The following SP100 variants were observed in gnomAD, a reference collection of about 807,000 sequenced individuals.
SP100 encodes the protein SP100 nuclear body protein.
Under a neutral mutation model 130.0 loss-of-function variants are expected in SP100, and 84 were observed. That is an observed-to-expected ratio of 0.65 (90% CI 0.54 to 0.77). The LOEUF (loss-of-function observed/expected upper bound fraction) is 0.77. SP100 is among the 30% of genes least tolerant of loss of function. SP100 has a pLI of 0.00. For missense variants in SP100, 978 were observed against 1,052.2 expected, an observed-to-expected ratio of 0.93 and a Z score of 0.97; for synonymous variants, 331 against 351.7, an observed-to-expected ratio of 0.94 and a Z score of 0.66.
At chr2:230,441,503 A>T (rs1040877276) in intron 2 of SP100, among the ~76,000 whole-genome samples, 6 of 152,240 alleles carry the variant, frequency 3.9e-5, no homozygotes, top group Non-Finnish European at 7.3e-5. Flanking sequence ...CCATGAACAG[A>T]AAACTGAATA....
In SP100 at chr2:230,541,929, G is replaced by T. The variant is rs1692195909; in HGVS notation, c.2441G>T (p.Trp814Leu). The T allele has an allele frequency of 3.1e-6, 5 of 1,614,088 alleles. No homozygotes were observed. The highest frequency in any genetic ancestry group is 3.4e-6 in the Non-Finnish European group (4 of 1,179,948). ...EGSQGPQKPM[W>L]LNKVKTSLNE... ...TCTCAGGGCCCACAGAAGCCCATGT[G>T]GTTAAACAAAGTCAAGACAAGTTTG... Residue 814 changes from tryptophan (W) to leucine (L), a missense_variant, in exon 28 of 29, where the codon TGG (tryptophan) becomes TTG (leucine). Physicochemically the swap from Trp to Leu is moderately conservative, Grantham distance 61. Coordinates refer to ENST00000340126, the MANE Select transcript of SP100 (RefSeq NM_001080391.2).
At chr2:230,513,029 G>T (rs1272477263) in intron 24 of SP100, among the ~76,000 whole-genome samples, 1 of 152,214 alleles carries the variant, frequency 6.6e-6, no homozygotes, top group African/African-American at 2.4e-5. Context: ...CAGCAATGGG[G>T]AGCTGCTGTA....
rs190417175 is a variant in SP100, at chr2:230,492,564, C to A, written c.1601-1852C>A. 3.1e-4 allele frequency among the ~76,000 whole-genome samples: 47 copies of A among 152,298 alleles called. 1 individual carries two copies. The highest frequency in any genetic ancestry group is 2.5e-3 in the Admixed American group (39 of 15,300). On this transcript the variant is annotated intron_variant, in intron 17 of 28. Coordinates refer to ENST00000340126, the MANE Select transcript of SP100 (RefSeq NM_001080391.2). ...CAAGCGATCTTTCCACCTATGCTTCCCAAAGTGCTGGGATTACAGGCATGA... is the reference window on the plus strand; with the variant it reads ...CAAGCGATCTTTCCACCTATGCTTCACAAAGTGCTGGGATTACAGGCATGA...
chr2:230,474,197 C>T (rs1033108307), intron 16 of SP100, among the ~76,000 whole-genome samples, 197 bp from the exon 17 acceptor site: 10 of 152,168 alleles, frequency 6.6e-5, no homozygotes, highest in Non-Finnish European at 1.2e-4. Context: ...TAATGAAGAG[C>T]TGTTTCAAAG....
intron 24 of SP100, 120 bp downstream of exon 24, chr2:230,511,286 T>C: frequency 1.3e-6 from 1 of 779,630 alleles, no homozygotes; most frequent in East Asian, 2.5e-5. Context: ...TTGCTGTGTG[T>C]GATTAGAAGA....
chr2:230,465,882 G>T (rs966776997), intron 11 of SP100, among the ~76,000 whole-genome samples: 1 of 151,972 alleles, frequency 6.6e-6, no homozygotes, highest in African/African-American at 2.4e-5. Context: ...AGAGAAAAAC[G>T]CTCATCAAAA....
At chr2:230,508,159 A>T (rs146094167) in intron 23 of SP100, 128 bp downstream of exon 23, 2 of 1,468,938 alleles carry the variant, frequency 1.4e-6, no homozygotes, top group Non-Finnish European at 1.8e-6. Context: ...ATGCTTTTGC[A>T]GTTGCTGCTT....
chr2:230,519,679 T>G (rs1252712903), intron 24 of SP100, among the ~76,000 whole-genome samples: 1 of 152,196 alleles, frequency 6.6e-6, no homozygotes, highest in East Asian at 1.9e-4. Context: ...TGGGATGGCC[T>G]TTTGCTCATC....
intron 24 of SP100, among the ~76,000 whole-genome samples, chr2:230,525,449 G>C (rs1448475349): frequency 6.6e-6 from 1 of 152,184 alleles, no homozygotes; most frequent in Non-Finnish European, 1.5e-5. Flanking sequence ...GGCACTCCAA[G>C]ATGGCCAAAC....
rs1455349462 is a variant in SP100 at position 230,502,493 on chromosome 2, G to A, written c.1721-573G>A. 2.0e-5 allele frequency among the ~76,000 whole-genome samples: 3 copies of A among 152,304 alleles called. No individual in the cohort carries two copies. In the East Asian group the frequency reaches 5.8e-4, roughly 29 times the overall value. On this transcript the variant is annotated intron_variant, in intron 19 of 28. Coordinates refer to ENST00000340126, the MANE Select transcript of SP100 (RefSeq NM_001080391.2). ...GCATCAGTTTCCTCATCTGTAAAGT[G>A]AGGATAGTACTAGTGCCTATTTAAT... is the stretch of plus-strand genomic sequence containing the variant.
intron 17 of SP100, among the ~76,000 whole-genome samples, chr2:230,482,907 T>G (rs866680148): frequency 4.6e-5 from 7 of 152,202 alleles, no homozygotes; most frequent in Admixed American, 3.3e-4. Context: ...TTAATATCAT[T>G]TTGTCAACCC....
At chr2:230,538,365 C>T (rs1692030974) in intron 24 of SP100, 1 of 152,134 alleles carries the variant, frequency 6.6e-6, no homozygotes, top group Admixed American at 6.6e-5. Context: ...AACCTTGACC[C>T]AGCAGCCTAA....
At chr2:230,481,024 TTGGTGGTGGTGG>T (rs80161443) in intron 17 of SP100, among the ~76,000 whole-genome samples, 17 of 144,222 alleles carry the variant, frequency 1.2e-4, no homozygotes, top group Admixed American at 2.8e-4. Flanking sequence ...AGTGGTAGTA[TTGGTGGTGGTGG>T]TGGTGGTGGT....
chr2:230,498,812 G>A (rs2066844511), intron 19 of SP100, among the ~76,000 whole-genome samples: 1 of 152,100 alleles, frequency 6.6e-6, no homozygotes, highest in Non-Finnish European at 1.5e-5. Flanking sequence ...ATAGTTGCTG[G>A]CATAAAAACA....
rs1692255666 is a variant in SP100, at chr2:230,544,078, C to A, written c.*1132C>A. ...AAGACTCCCTATTTTATAAATGGTG[C>A]TGGGATAACTGGGATAGAAGATTGA... On this transcript the variant is annotated 3_prime_UTR_variant, in exon 29 of 29. Coordinates refer to ENST00000340126, the MANE Select transcript of SP100 (RefSeq NM_001080391.2). 1 of 152,090 alleles carries A rather than the reference C, an allele frequency of 6.6e-6. No individual in the cohort carries two copies. The highest frequency in any genetic ancestry group is 2.4e-5 in the African/African-American group (1 of 41,404). 9.4% of individuals were successfully genotyped at this position (152,090 alleles called of 1,614,324 possible). A position where few individuals can be genotyped will look rare whatever the true frequency, so the allele number is the denominator to read the frequency against.
chr2:230,475,388 GT>G (rs1193632887), intron 17 of SP100, among the ~76,000 whole-genome samples: 2 of 151,964 alleles, frequency 1.3e-5, no homozygotes, highest in Non-Finnish European at 2.9e-5. Flanking sequence ...ATTGGATTTT[GT>G]TTTTTGCTTG....
chr2:230,541,813 C>T, intron 27 of SP100, 79 bp from the exon 28 acceptor site: 2 of 1,476,630 alleles, frequency 1.4e-6, no homozygotes, highest in South Asian at 2.6e-5. Context: ...ATTGGGGGAA[C>T]TCCACAAACC....
At position 230,530,005 on chromosome 2, in the gene SP100, C is replaced by T. The variant is rs1691622271; in HGVS notation, c.2095-9262C>T. Among the ~76,000 whole-genome samples the T allele has an allele frequency of 2.6e-5, 4 of 152,116 alleles. No individual in the cohort carries two copies. The South Asian group carries it at 8.3e-4, about 31-fold the overall frequency. Reference sequence around the variant, plus strand: ...ATATCATGAAAATGGCCATACTGCCCAAGGTAATTTATAGATTCAATGCTA... The same window carrying T: ...ATATCATGAAAATGGCCATACTGCCTAAGGTAATTTATAGATTCAATGCTA... On this transcript the variant is annotated intron_variant, in intron 24 of 28. Coordinates refer to ENST00000340126, the MANE Select transcript of SP100 (RefSeq NM_001080391.2).
intron 21 of SP100, among the ~76,000 whole-genome samples, chr2:230,505,992 A>C (rs993871966): frequency 1.3e-5 from 2 of 152,198 alleles, no homozygotes; most frequent in Non-Finnish European, 2.9e-5. Flanking sequence ...AATTCTGCTC[A>C]TTCTTTAGGG....
Sources: allele counts gnomAD v4.1 joint callset (sites outside exome capture counted in the v4.1 genomes callset), GRCh38; gene constraint gnomAD v4.1.1; transcripts MANE v1.5; gene names NCBI Gene and HGNC (gene_info 2026-07-23, HGNC 2026-07-21).